The following RPS6KC1 variants were observed in gnomAD, a reference collection of about 807,000 sequenced individuals.
RPS6KC1 encodes ribosomal protein S6 kinase C1.
In RPS6KC1, 54 loss-of-function variants were observed where a neutral mutation model predicts 103.8. The observed-to-expected ratio is 0.52, with a 90% CI of 0.42 to 0.65. The LOEUF is 0.65. Ranked by LOEUF, RPS6KC1 falls within the 30% of genes least tolerant of loss-of-function variation. The pLI is 0.00. For missense variants in RPS6KC1, 1,151 were observed against 1,253.8 expected, an observed-to-expected ratio of 0.92 and a Z score of 1.24; for synonymous variants, 439 against 438.7, an observed-to-expected ratio of 1.00 and a Z score of -0.01.
the RPS6KC1 span, among the ~76,000 whole-genome samples, chr1:213,522,589 T>G: frequency 6.6e-6 from 1 of 152,248 alleles, no homozygotes; most frequent in African/African-American, 2.4e-5. Context: ...ATTGAAAATC[T>G]TTTGTTTAGT....
At chr1:213,718,057 C>T in the RPS6KC1 span, among the ~76,000 whole-genome samples, 1 of 152,218 alleles carries the variant, frequency 6.6e-6, no homozygotes, top group African/African-American at 2.4e-5. Flanking sequence ...TATTCTGATT[C>T]CAGCTCTTTC....
the RPS6KC1 span, among the ~76,000 whole-genome samples, chr1:213,528,082 A>T: frequency 6.6e-6 from 1 of 152,150 alleles, no homozygotes; most frequent in African/African-American, 2.4e-5. Flanking sequence ...AAATCCATGT[A>T]TAAGTGGACC....
At chr1:213,513,985 C>T in the RPS6KC1 span, among the ~76,000 whole-genome samples, 1 of 152,198 alleles carries the variant, frequency 6.6e-6, no homozygotes, top group Non-Finnish European at 1.5e-5. Flanking sequence ...TCTCTGCCAG[C>T]ACATCCTTTT....
At position 213,232,855 on chromosome 1, in the gene RPS6KC1, TTGCCCTTTAA is replaced by T. The variant is rs1412371540; in HGVS notation, c.1225+602_1225+611del. 3.3e-5 allele frequency among the ~76,000 whole-genome samples: 5 copies of T among 152,190 alleles called. No individual in the cohort carries two copies. In the East Asian group the frequency reaches 9.6e-4, roughly 29 times the overall value. On this transcript the variant is annotated intron_variant, in intron 10 of 14. Coordinates refer to ENST00000366960, the MANE Select transcript of RPS6KC1 (RefSeq NM_012424.6). ...AAAAATATAATGTTTTGATTTTTTT[TTGCCCTTTAA>T]TACCTGAATTTAAATAAGTAGTCTT...
At position 213,128,031 on chromosome 1, in the gene RPS6KC1, C is replaced by T. The variant is rs559142696; in HGVS notation, c.473-1496C>T. ...ACAACTAAGCTTTAAAAACCTATCA[C>T]TTGTTGAGTTTTGGTGTAGTATCAA... On this transcript the variant is annotated intron_variant, in intron 5 of 14. Coordinates refer to ENST00000366960, the MANE Select transcript of RPS6KC1 (RefSeq NM_012424.6). Among the ~76,000 whole-genome samples the T allele has an allele frequency of 2.2e-3, 341 of 152,308 alleles. 2 individuals carry two copies. Among genetic ancestry groups the T allele is most frequent in the African/African-American group, 7.5e-3 (313 of 41,570 alleles).
chr1:213,053,184 A>C (rs1030124492), intron 1 of RPS6KC1, among the ~76,000 whole-genome samples: 6 of 152,174 alleles, frequency 3.9e-5, no homozygotes, highest in Non-Finnish European at 7.3e-5. Flanking sequence ...CCTAACACAT[A>C]GTGTATGGAA....
the RPS6KC1 span, among the ~76,000 whole-genome samples, chr1:213,837,528 C>A: frequency 3.3e-5 from 5 of 152,278 alleles, no homozygotes; most frequent in Admixed American, 1.3e-4. Flanking sequence ...CATAACTGTA[C>A]CCAAAGACAG....
At chr1:213,318,583 G>C in the RPS6KC1 span, among the ~76,000 whole-genome samples, 1 of 152,208 alleles carries the variant, frequency 6.6e-6, no homozygotes, top group Admixed American at 6.5e-5. Flanking sequence ...ACATACCCAG[G>C]ACTGGGAAGA....
At chr1:213,838,941 C>T in the RPS6KC1 span, among the ~76,000 whole-genome samples, 1 of 152,160 alleles carries the variant, frequency 6.6e-6, no homozygotes, top group Non-Finnish European at 1.5e-5. Context: ...AGGAAGAAAT[C>T]CACAGAAATG....
chr1:213,272,432 G>C, intron 14 of RPS6KC1, 92 bp from the exon 15 acceptor site: 1 of 950,076 alleles, frequency 1.1e-6, no homozygotes, highest in Non-Finnish European at 1.7e-6. Flanking sequence ...TGTTACCAGG[G>C]TTGAATTTAG....
At chr1:213,689,553 T>A in the RPS6KC1 span, among the ~76,000 whole-genome samples, 3,053 of 152,310 alleles carry the variant, frequency 0.02, 104 homozygotes, top group African/African-American at 0.071. Context: ...CACGTGACAG[T>A]CAATCCAATT....
At chr1:213,051,926 T>G (rs138321689) in intron 1 of RPS6KC1, among the ~76,000 whole-genome samples, 181 of 152,336 alleles carry the variant, frequency 1.2e-3, no homozygotes, top group Middle Eastern at 3.4e-3. Context: ...CTCTTGACCT[T>G]TATCAGGTTT....
chr1:213,417,548 G>T, the RPS6KC1 span, among the ~76,000 whole-genome samples: 6 of 152,240 alleles, frequency 3.9e-5, no homozygotes, highest in South Asian at 1.0e-3. Flanking sequence ...GAAAGCCAGT[G>T]GGGGCTCGGG....
chr1:213,542,742 A>G, the RPS6KC1 span, among the ~76,000 whole-genome samples: 10 of 152,328 alleles, frequency 6.6e-5, no homozygotes, highest in South Asian at 1.9e-3. Context: ...TATTTCAACA[A>G]TGTGCATAGA....
the RPS6KC1 span, among the ~76,000 whole-genome samples, chr1:213,848,524 T>A: frequency 6.6e-5 from 10 of 152,172 alleles, no homozygotes; most frequent in Non-Finnish European, 1.5e-4. Flanking sequence ...TGTACTAGTG[T>A]GTATATACTA....
the RPS6KC1 span, among the ~76,000 whole-genome samples, chr1:213,767,353 A>G: frequency 6.6e-6 from 1 of 152,018 alleles, no homozygotes; most frequent in South Asian, 2.1e-4. Context: ...TAGTATCCTC[A>G]TTATCCCTTA....
the RPS6KC1 span, among the ~76,000 whole-genome samples, chr1:213,353,517 C>T: frequency 6.6e-6 from 1 of 152,236 alleles, no homozygotes; most frequent in South Asian, 2.1e-4. Flanking sequence ...ACATCCATAT[C>T]TTCACTATCA....
rs1294273345 is a variant in RPS6KC1 at position 213,259,184 on chromosome 1, A to C, written c.2912-2374A>C. ...CCTGCTCCAGAGTAACTTTTCCAACAAGCCTGAATGTTTTCATATCATCTT... is the reference window on the plus strand; with the variant it reads ...CCTGCTCCAGAGTAACTTTTCCAACCAGCCTGAATGTTTTCATATCATCTT... On this transcript the variant is annotated intron_variant, in intron 12 of 14. Coordinates refer to ENST00000366960, the MANE Select transcript of RPS6KC1 (RefSeq NM_012424.6). Among the ~76,000 whole-genome samples the C allele has an allele frequency of 2.6e-5, 4 of 152,334 alleles. No individual in the cohort carries two copies. The South Asian group carries it at 8.3e-4, about 32-fold the overall frequency.
the RPS6KC1 span, among the ~76,000 whole-genome samples, chr1:213,408,160 G>A: frequency 6.6e-6 from 1 of 152,194 alleles, no homozygotes; most frequent in Non-Finnish European, 1.5e-5. Context: ...CCCCAATCTA[G>A]CCACAATCAG....
Sources: allele counts gnomAD v4.1 joint callset (sites outside exome capture counted in the v4.1 genomes callset), GRCh38; gene constraint gnomAD v4.1.1; transcripts MANE v1.5; gene names NCBI Gene and HGNC (gene_info 2026-07-23, HGNC 2026-07-21).